The following ZAN variants were observed in gnomAD, a reference collection of about 807,000 sequenced individuals.
ZAN encodes zonadhesin.
In ZAN, 260 loss-of-function variants were observed where a neutral mutation model predicts 286.2. That is an observed-to-expected ratio of 0.91 (90% CI 0.82 to 1.01). The LOEUF is 1.01. ZAN is among the 50% of genes least tolerant of loss of function. The pLI, the probability that ZAN is intolerant of heterozygous loss-of-function variation, is 0.00. For synonymous variants in ZAN, 1,368 were observed against 1,417.5 expected (o/e 0.97, Z 0.79); for missense variants, 3,410 against 3,639.2 (o/e 0.94, Z 1.62).
Position 100,771,968 on chromosome 7 carries a change from C to G in ZAN, c.5373C>G (p.Ser1791=), listed in dbSNP as rs1810395523. 1 of 1,609,528 alleles carries G rather than the reference C, an allele frequency of 6.2e-7. No homozygotes were observed. The highest frequency in any genetic ancestry group is 8.5e-7 in the Non-Finnish European group (1 of 1,179,172). ...GCCGCTCCCTGCAGGCCTACGCGTCCCTGTGTGCCCAGGCTGGCCAGGCCC... is the reference window on the plus strand; with the variant it reads ...GCCGCTCCCTGCAGGCCTACGCGTCGCTGTGTGCCCAGGCTGGCCAGGCCC... The part of the protein sequence containing the change: ...ALCRSLQAYA[S]LCAQAGQAPA... The change falls in exon 29 of 48, where the codon TCC becomes TCG. Residue 1791 remains serine (S), a synonymous_variant. Coordinates refer to ENST00000613979, the MANE Select transcript of ZAN (RefSeq NM_003386.3).
rs183936895 is a variant in ZAN, at chr7:100,767,019, C to G, written c.4622C>G (p.Thr1541Ser). Residue 1541 changes from threonine (T) to serine (S), a missense_variant, in exon 25 of 48, where the codon ACC (threonine) becomes AGC (serine). By Grantham distance (58) the Thr-to-Ser change is moderately conservative. This residue lies in a region of ZAN where 1,042 missense variants were observed against 1,058.0 expected (regional missense o/e 0.98). Coordinates refer to ENST00000613979, the MANE Select transcript of ZAN (RefSeq NM_003386.3). The part of the protein sequence containing the change: ...IYGCHAQGAA[T>S]CTASGDPHYL... ...ATCTTCTTCTCCACAGGTGCCGCCA[C>G]CTGCACAGCCTCGGGTGACCCCCAC... The G allele has an allele frequency of 1.2e-6, 2 of 1,613,722 alleles. No homozygotes were observed. Among genetic ancestry groups the G allele is most frequent in the Non-Finnish European group, 1.7e-6 (2 of 1,179,838 alleles).
chr7:100,793,826 A>G lies in ZAN; in HGVS notation c.7794A>G (p.Gly2598=). Residue 2598 remains glycine (G), a synonymous_variant, in exon 43 of 48, where the codon GGA becomes GGG. Transcript: ENST00000613979. ...ELRCQVLSGH[G]VSSRYHISEL... is the part of the protein sequence containing the mutation. Reference sequence around the variant, plus strand: ...ACCATGACTGTCCCCGCAGCCATGGAGTGTCCAGCAGGTACCATATATCAG... The same window carrying G: ...ACCATGACTGTCCCCGCAGCCATGGGGTGTCCAGCAGGTACCATATATCAG... The G allele has an allele frequency of 6.3e-7, 1 of 1,591,994 alleles. No homozygotes were observed. Among genetic ancestry groups the G allele is most frequent in the South Asian group, 1.1e-5 (1 of 88,054 alleles).
intron 38 of ZAN, 99 bp from the exon 39 acceptor site, chr7:100,789,119 G>C: frequency 6.7e-7 from 1 of 1,488,438 alleles, no homozygotes; most frequent in Non-Finnish European, 9.0e-7. Context: ...TCTGCACGGA[G>C]ACATATGGAG....
rs762426338 is a variant in ZAN, at chr7:100,765,504, A to G, written c.4420A>G (p.Ile1474Val). 1 of 1,612,088 alleles carries G rather than the reference A, an allele frequency of 6.2e-7. No homozygotes were observed. Among genetic ancestry groups the G allele is most frequent in the South Asian group, 1.1e-5 (1 of 90,556 alleles). ...CTTCGTCCTCAGTGGCCTCGAGTGC[A>G]TACCTCGCTCCCAGTGTGGGTGCCT... The part of the protein sequence containing the change: ...PGFVLSGLEC[I>V]PRSQCGCLHP... Residue 1474 changes from isoleucine (I) to valine (V), a missense_variant, in exon 23 of 48, where the codon ATA becomes GTA. This residue lies in a region of ZAN where 1,042 missense variants were observed against 1,058.0 expected (regional missense o/e 0.98). Transcript: ENST00000613979.
At chr7:100,753,454 TG>T (rs1374528823) in intron 14 of ZAN, among the ~76,000 whole-genome samples, 1 of 152,200 alleles carries the variant, frequency 6.6e-6, no homozygotes, top group African/African-American at 2.4e-5. Flanking sequence ...GTGTCAGGAC[TG>T]AACCACGAGG....
At chr7:100,768,512 T>C (rs888930194) in intron 26 of ZAN, 98 bp from the exon 27 acceptor site, 33 of 979,390 alleles carry the variant, frequency 3.4e-5, no homozygotes, top group Non-Finnish European at 3.9e-5. Flanking sequence ...AACCTTGCTA[T>C]GTAGAATGAA....
In ZAN at chr7:100,734,131, C is replaced by T. The variant is rs774752240; in HGVS notation, c.-38C>T. The T allele has an allele frequency of 1.9e-5, 26 of 1,360,334 alleles. 1 individual carries two copies. In the East Asian group the frequency reaches 6.1e-4, roughly 32 times the overall value. 84.3% of individuals were successfully genotyped at this position (1,360,334 alleles called of 1,614,324 possible). A position where few individuals can be genotyped will look rare whatever the true frequency, so the allele number is the denominator to read the frequency against. On this transcript the variant is annotated 5_prime_UTR_variant, in exon 2 of 48. Coordinates refer to ENST00000613979, the MANE Select transcript of ZAN (RefSeq NM_003386.3). ...AGGAGTCCAGGCTCCCAACTGTGCC[C>T]TTCCCCTCTCCCCTGGGAGCAACCA...
chr7:100,736,637 G>T lies in ZAN; in HGVS notation c.253+8G>T. 1 of 1,521,410 alleles carries T rather than the reference G, an allele frequency of 6.6e-7. No individual in the cohort carries two copies. Among genetic ancestry groups the T allele is most frequent in the Non-Finnish European group, 9.0e-7 (1 of 1,107,298 alleles). The allele number at this position is 1,521,410 out of a possible 1,614,324, so 94.2% of individuals were successfully genotyped here. ...GGGGGTACCCTAACGGAGGTGAGGG[G>T]CTATGGTTTCCAGGGGACCATGAGC... On this transcript the variant is annotated splice_region_variant and intron_variant, in intron 4 of 47. Coordinates refer to ENST00000613979, the MANE Select transcript of ZAN (RefSeq NM_003386.3).
At position 100,776,428 on chromosome 7, in the gene ZAN, C is replaced by G; in HGVS notation, c.6193-12C>G. The G allele has an allele frequency of 1.2e-6, 2 of 1,600,992 alleles. No homozygotes were observed. The highest frequency in any genetic ancestry group is 1.7e-6 in the Non-Finnish European group (2 of 1,173,666). The stretch of plus-strand genomic sequence containing the variant: ...GCTTCCCCAGCACCGAAAAACCACT[C>G]TCCCCCGCCAGGTCTGCGGCATGTG... On this transcript the variant is annotated splice_polypyrimidine_tract_variant and intron_variant, in intron 33 of 47. Transcript: ENST00000613979.
Position 100,791,093 on chromosome 7 carries a change from C to T in ZAN, c.7509C>T (p.Asp2503=), listed in dbSNP as rs762194877. The T allele has an allele frequency of 3.0e-5, 49 of 1,612,090 alleles. No individual in the cohort carries two copies. Among genetic ancestry groups the T allele is most frequent in the South Asian group, 1.9e-4 (17 of 90,670 alleles). The change falls in exon 40 of 48, where the codon GAC becomes GAT. Residue 2503 remains aspartate (D), a synonymous_variant. Coordinates refer to ENST00000613979, the MANE Select transcript of ZAN (RefSeq NM_003386.3). ...FGNSWEVKTE[D]ALLRFPRAIP... is the part of the protein sequence containing the mutation. ...ACAGCTGGGAGGTGAAGACCGAGGACGCACTCCTGCGCTTCCCCAGGTGCA... is the reference window on the plus strand; with the variant it reads ...ACAGCTGGGAGGTGAAGACCGAGGATGCACTCCTGCGCTTCCCCAGGTGCA...
Position 100,795,234 on chromosome 7 carries a change from C to G in ZAN, c.8164C>G (p.Gln2722Glu), listed in dbSNP as rs760388807. 6.2e-7 allele frequency: 1 copy of G among 1,611,262 alleles called. No individual in the cohort carries two copies. Among genetic ancestry groups the G allele is most frequent in the East Asian group, 2.2e-5 (1 of 44,586 alleles). The change falls in exon 45 of 48, where the codon CAG becomes GAG. Residue 2722 changes from glutamine (Q) to glutamate (E), a missense_variant. Gln to Glu is a conservative substitution (Grantham distance 29). Transcript: ENST00000613979. The stretch of plus-strand genomic sequence containing the variant: ...GCAGAACCCCTGTCAGAATGACGGG[C>G]AGTGTCGGGAGCAGGGAGCCACCTT... ...CLQNPCQNDG[Q>E]CREQGATFTC...
At chr7:100,783,221 T>A (rs1184202991) in intron 35 of ZAN, among the ~76,000 whole-genome samples, 1 of 152,108 alleles carries the variant, frequency 6.6e-6, no homozygotes, top group South Asian at 2.1e-4. Context: ...TGAGCTGAGA[T>A]TGTGCCATTG....
In ZAN at chr7:100,750,701, C is replaced by T. The variant is rs750967557; in HGVS notation, c.1326C>T (p.Phe442=). Residue 442 remains phenylalanine, a synonymous_variant, in exon 12 of 48, where the codon TTC becomes TTT. Transcript: ENST00000613979. ...CAGTCAGACTGGTGAGCCGGCCCTT[C>T]TGCGCCCCAGGTGACATCTGCGTGG... is the stretch of plus-strand genomic sequence containing the variant. ...GQSVRLVSRP[F]CAPGDICVEF... The T allele has an allele frequency of 6.2e-7, 1 of 1,613,162 alleles. No individual in the cohort carries two copies. Among genetic ancestry groups the T allele is most frequent in the African/African-American group, 1.3e-5 (1 of 74,942 alleles).
chr7:100,746,684 A>G lies in ZAN; in HGVS notation c.913A>G (p.Ile305Val), dbSNP rs1309669967. Residue 305 changes from isoleucine to valine, a missense_variant, in exon 8 of 48, where the codon ATT (isoleucine) becomes GTT (valine). By Grantham distance (29) the Ile-to-Val change is conservative. Around this residue, in one of 7 missense-constraint regions of ZAN, gnomAD observed 872 missense variants for 938.9 expected, o/e 0.93. Coordinates refer to ENST00000613979, the MANE Select transcript of ZAN (RefSeq NM_003386.3). ...CCAGTCTCCTGGTGCAGCCCTCCACATTTATGCTTCAGTCTTGGGTTAGAG... is the reference window on the plus strand; with the variant it reads ...CCAGTCTCCTGGTGCAGCCCTCCACGTTTATGCTTCAGTCTTGGGTTAGAG... ...RGQSPGAALH[I>V]YASVLGSIRK... The G allele has an allele frequency of 1.9e-6, 3 of 1,613,660 alleles. 1 individual carries two copies. Among genetic ancestry groups the G allele is most frequent in the Non-Finnish European group, 2.5e-6 (3 of 1,179,854 alleles).
intron 26 of ZAN, 142 bp downstream of exon 26, chr7:100,768,153 G>A: frequency 8.6e-7 from 1 of 1,163,104 alleles, no homozygotes; most frequent in South Asian, 1.6e-5. Context: ...CATGAAGGTA[G>A]GAGTTAAGGG....
chr7:100,791,438 C>T (rs1811954775), intron 40 of ZAN, among the ~76,000 whole-genome samples: 1 of 151,982 alleles, frequency 6.6e-6, no homozygotes, highest in African/African-American at 2.4e-5. Context: ...ACTTCTTCTT[C>T]CTCTGTCACC....
rs566799435 is a variant in ZAN, at chr7:100,758,571, T to C, written c.3492T>C (p.Tyr1164=). ...ATCLVYGDPH[Y]VTFDGRHFGF... is the part of the protein sequence containing the mutation. ...GCTTGGTCTACGGAGACCCTCATTA[T>C]GTCACCTTTGACGGGAGGCACTTTG... Residue 1164 remains tyrosine (Y), a synonymous_variant, in exon 17 of 48, where the codon TAT becomes TAC. Coordinates refer to ENST00000613979, the MANE Select transcript of ZAN (RefSeq NM_003386.3). 1.9e-5 allele frequency: 30 copies of C among 1,566,194 alleles called. No homozygotes were observed. The South Asian group carries it at 2.7e-4, about 14-fold the overall frequency.
intron 11 of ZAN, among the ~76,000 whole-genome samples, chr7:100,749,963 A>AT (rs1473143099): frequency 6.7e-6 from 1 of 148,496 alleles, no homozygotes; most frequent in East Asian, 2.1e-4. Context: ...AGGCAGGACA[A>AT]TCGCTTGAAC....
intron 11 of ZAN, 131 bp from the exon 12 acceptor site, chr7:100,750,494 A>G: frequency 8.6e-7 from 1 of 1,167,596 alleles, no homozygotes; most frequent in Non-Finnish European, 1.2e-6. Flanking sequence ...TGAGCAGAAA[A>G]AATAATGCTA....
Sources: gnomAD v4.1 joint callset for allele counts (sites outside exome capture counted in the v4.1 genomes callset) on GRCh38, gnomAD v4.1.1 for gene constraint, gnomAD v4.1.1 regional missense constraint, MANE v1.5 for transcripts, NCBI Gene and HGNC (gene_info 2026-07-23, HGNC 2026-07-21) for gene names.